DNASE1L3: variants seen among roughly 807,000 people sequenced by gnomAD.
DNASE1L3 encodes the protein deoxyribonuclease 1L3.
Under a neutral mutation model 30.9 loss-of-function variants are expected in DNASE1L3, and 27 were observed. The ratio of observed to expected loss-of-function variants is 0.87; its 90% CI spans 0.64 to 1.20. The LOEUF (loss-of-function observed/expected upper bound fraction) is 1.20, where lower values mean the gene tolerates loss of function less well. DNASE1L3 is among the 50% of genes most tolerant of loss of function. The pLI is 0.00. For synonymous variants in DNASE1L3, 135 were observed against 138.0 expected (o/e 0.98, Z 0.15); for missense variants, 364 against 378.2 (o/e 0.96, Z 0.31).
At chr3:58,198,061 T>C in intron 5 of DNASE1L3, 83 bp from the exon 6 acceptor site, 1 of 1,453,590 alleles carries the variant, frequency 6.9e-7, no homozygotes, top group Non-Finnish European at 9.2e-7. Context: ...AGACTCTGCG[T>C]CCCAGGCCCA....
intron 3 of DNASE1L3, 134 bp from the exon 4 acceptor site, chr3:58,205,015 A>G: frequency 3.9e-6 from 3 of 772,032 alleles, no homozygotes; most frequent in Non-Finnish European, 6.2e-6. Flanking sequence ...TTTCCTGAGA[A>G]CAAGGCTAAG....
In DNASE1L3 at chr3:58,200,113, A is replaced by G. The variant is rs144986481; in HGVS notation, c.546+884T>C. On this transcript the variant is annotated intron_variant, in intron 5 of 7. Coordinates refer to ENST00000394549, the MANE Select transcript of DNASE1L3 (RefSeq NM_004944.4). This position sits in a 1 kb window ranked among gnomAD's most constrained non-coding sequence, Gnocchi z 4.2. ...CAAAAGTGGAAAGAACTGAGCCTAT[A>G]GGGATGGCAAATATGTGCCCCCTTC... Among the ~76,000 whole-genome samples, 4 of 152,328 alleles carry G rather than the reference A, an allele frequency of 2.6e-5. No homozygotes were observed. In the East Asian group the frequency reaches 7.7e-4, roughly 29 times the overall value.
In DNASE1L3 at chr3:58,192,506, A is replaced by G; in HGVS notation, c.*181T>C. The G allele has an allele frequency of 1.7e-6, 1 of 573,372 alleles. No individual in the cohort carries two copies. Among genetic ancestry groups the G allele is most frequent in the South Asian group, 2.5e-5 (1 of 40,214 alleles). The allele number at this position is 573,372 out of a possible 1,614,324, so 35.5% of individuals were successfully genotyped here. On this transcript the variant is annotated 3_prime_UTR_variant, in exon 8 of 8. Coordinates refer to ENST00000394549, the MANE Select transcript of DNASE1L3 (RefSeq NM_004944.4). This position sits in a 1 kb window ranked among gnomAD's most constrained non-coding sequence, Gnocchi z 4.8. ...CCCTTTTAGACAATTCAGGGGAGGT[A>G]TGAGACCAAGAGAGATACAAAAGAT...
At chr3:58,205,690 T>A in intron 2 of DNASE1L3, 130 bp from the exon 3 acceptor site, 1 of 726,194 alleles carries the variant, frequency 1.4e-6, no homozygotes, top group Non-Finnish European at 2.4e-6. Flanking sequence ...CATCATAACC[T>A]TTGAGTCCAA....
In DNASE1L3 at chr3:58,197,163, C is replaced by A. The variant is rs1264890557; in HGVS notation, c.704+658G>T. 6.6e-6 allele frequency among the ~76,000 whole-genome samples: 1 copy of A among 152,212 alleles called. No homozygotes were observed. The highest frequency in any genetic ancestry group is 1.5e-5 in the Non-Finnish European group (1 of 68,046). On this transcript the variant is annotated intron_variant, in intron 6 of 7. Coordinates refer to ENST00000394549, the MANE Select transcript of DNASE1L3 (RefSeq NM_004944.4). This position sits in a 1 kb window ranked among gnomAD's most constrained non-coding sequence, Gnocchi z 5.3. Reference sequence around the variant, plus strand: ...GCAGCCTGACATGTTATTTCATTTACTCCACATCGGATCTTCATGAGTGAG... The same window carrying A: ...GCAGCCTGACATGTTATTTCATTTAATCCACATCGGATCTTCATGAGTGAG...
intron 4 of DNASE1L3, among the ~76,000 whole-genome samples, chr3:58,202,176 G>A (rs113369821): frequency 0.073 from 10,446 of 143,042 alleles, 420 homozygotes; most frequent in Middle Eastern, 0.12. Flanking sequence ...ACGGAGTTTC[G>A]TTCTTGTTGC....
At chr3:58,202,449 C>T (rs1241165009) in intron 4 of DNASE1L3, among the ~76,000 whole-genome samples, 3 of 150,508 alleles carry the variant, frequency 2.0e-5, no homozygotes, top group Non-Finnish European at 4.4e-5. Context: ...AGGTGTGAGC[C>T]ACCACACCCA....
Position 58,197,867 on chromosome 3 carries a change from G to C in DNASE1L3, c.658C>G (p.Gln220Glu), listed in dbSNP as rs2097398319. 6.2e-7 allele frequency: 1 copy of C among 1,614,152 alleles called. No individual in the cohort carries two copies. Among genetic ancestry groups the C allele is most frequent in the Non-Finnish European group, 8.5e-7 (1 of 1,180,044 alleles). ...DPRFVWLIGD[Q>E]EDTTVKKSTN... ...CTCTTCTTCACCGTGGTGTCCTCTT[G>C]GTCCCCGATCAGCCAAACAAACCTG... Residue 220 changes from glutamine (Q) to glutamate (E), a missense_variant, in exon 6 of 8, where the codon CAA becomes GAA. Transcript: ENST00000394549. The surrounding 1 kb of genome is among the most constrained non-coding windows in gnomAD (Gnocchi z 5.3).
At chr3:58,203,066 C>T (rs578189727) in intron 4 of DNASE1L3, among the ~76,000 whole-genome samples, 1 of 152,282 alleles carries the variant, frequency 6.6e-6, no homozygotes, top group South Asian at 2.1e-4. Flanking sequence ...CAGCAGCTGT[C>T]GCCTTCTGAG....
chr3:58,195,467 C>G (rs1359277224), intron 6 of DNASE1L3, among the ~76,000 whole-genome samples: 1 of 151,860 alleles, frequency 6.6e-6, no homozygotes, highest in Non-Finnish European at 1.5e-5. Context: ...TGGCCTATGA[C>G]TTTTTAAAAG....
At chr3:58,209,102 G>A (rs144320920) in intron 1 of DNASE1L3, among the ~76,000 whole-genome samples, 1 of 152,320 alleles carries the variant, frequency 6.6e-6, no homozygotes, top group African/African-American at 2.4e-5. Context: ...AGCACCTATA[G>A]GAGGTGCTTG....
chr3:58,193,003 G>T (rs1424757028), intron 7 of DNASE1L3, 200 bp from the exon 8 acceptor site: 1 of 1,435,138 alleles, frequency 7.0e-7, no homozygotes, highest in African/African-American at 1.4e-5. Context: ...AGAATCATAG[G>T]CATTGAGGGT....
At chr3:58,201,878 T>G (rs1383799422) in intron 4 of DNASE1L3, among the ~76,000 whole-genome samples, 1 of 152,194 alleles carries the variant, frequency 6.6e-6, no homozygotes, top group Admixed American at 6.5e-5. Context: ...AAAGTAAAAT[T>G]GGCTTGCTGA....
chr3:58,206,777 G>A (rs566659355), intron 2 of DNASE1L3, among the ~76,000 whole-genome samples: 9 of 152,280 alleles, frequency 5.9e-5, no homozygotes, highest in African/African-American at 1.9e-4. Flanking sequence ...GGAAGGCTGA[G>A]ATGACAAAGA....
At chr3:58,196,448 G>A (rs1055303765) in intron 6 of DNASE1L3, among the ~76,000 whole-genome samples, 1 of 151,462 alleles carries the variant, frequency 6.6e-6, no homozygotes, top group African/African-American at 2.4e-5. Context: ...AGCTACTCGG[G>A]AGGCTGAGGC....
At chr3:58,194,415 G>C (rs1178631129) in intron 6 of DNASE1L3, among the ~76,000 whole-genome samples, 8 of 148,724 alleles carry the variant, frequency 5.4e-5, no homozygotes, top group African/African-American at 2.0e-4. Context: ...CACCTTCCGG[G>C]TTGAAGCGAT....
rs1053919362 is a variant in DNASE1L3 at position 58,193,130 on chromosome 3, G to GGC, written c.801+212_801+213insGC. 79 of 1,419,010 alleles carry GGC rather than the reference G, an allele frequency of 5.6e-5. No homozygotes were observed. The Admixed American group carries it at 7.3e-4, about 13-fold the overall frequency. The allele number at this position is 1,419,010 out of a possible 1,614,324, so 87.9% of individuals were successfully genotyped here. A position where few individuals can be genotyped will look rare whatever the true frequency, so the allele number is the denominator to read the frequency against. ...CTCACTCTGTTGCCCAGCCTGGAGT[G>GGC]CAGTGGTGCGATCTTGGCTCACTGC... On this transcript the variant is annotated intron_variant, in intron 7 of 7. Transcript: ENST00000394549.
chr3:58,197,759 C>A lies in DNASE1L3; in HGVS notation c.704+62G>T, dbSNP rs151088805. ...TGAGCCACAGTGCCCAGCCACCTTG[C>A]GTCTTTCCTAGTGCACACCAAGCAC... On this transcript the variant is annotated intron_variant, in intron 6 of 7. Coordinates refer to ENST00000394549, the MANE Select transcript of DNASE1L3 (RefSeq NM_004944.4). This position sits in a 1 kb window ranked among gnomAD's most constrained non-coding sequence, Gnocchi z 5.3. 3 of 1,609,086 alleles carry A rather than the reference C, an allele frequency of 1.9e-6. No individual in the cohort carries two copies. The highest frequency in any genetic ancestry group is 2.5e-6 in the Non-Finnish European group (3 of 1,177,860).
At chr3:58,196,994 A>G (rs2097397832) in intron 6 of DNASE1L3, among the ~76,000 whole-genome samples, 1 of 152,234 alleles carries the variant, frequency 6.6e-6, no homozygotes, top group African/African-American at 2.4e-5. Context: ...TGATTTTAGC[A>G]GTATTTATAA....
Sources: gnomAD v4.1 joint callset for allele counts (sites outside exome capture counted in the v4.1 genomes callset) on GRCh38, gnomAD v4.1.1 for gene constraint, Gnocchi (gnomAD v3.1) non-coding constraint, MANE v1.5 for transcripts, NCBI Gene and HGNC (gene_info 2026-07-23, HGNC 2026-07-21) for gene names.